Variants in ABCB9 observed in about 807,000 individuals in gnomAD.
The protein encoded by ABCB9 is ATP binding cassette subfamily B member 9, also known as ABC-type oligopeptide transporter ABCB9.
ABCB9 carries 36 observed loss-of-function variants against 62.0 expected under a neutral mutation model. The ratio of observed to expected loss-of-function variants is 0.58; its 90% CI spans 0.45 to 0.77. ABCB9 has a LOEUF of 0.77. Among genes scored for constraint, ABCB9 ranks in the 30% least tolerant of loss-of-function variants. ABCB9 has a pLI of 0.00. For synonymous variants in ABCB9, 435 were observed against 461.4 expected (o/e 0.94, Z 0.73); for missense variants, 943 against 1,054.7 (o/e 0.89, Z 1.47).
chr12:122,946,280 G>A, intron 5 of ABCB9, 58 bp from the exon 6 acceptor site: 1 of 1,580,518 alleles, frequency 6.3e-7, no homozygotes, highest in African/African-American at 1.3e-5. Flanking sequence ...ACTATGTACT[G>A]GAGCCCCCAG....
chr12:122,951,552 C>G (rs1028688439), intron 2 of ABCB9: 1 of 152,108 alleles, frequency 6.6e-6, no homozygotes, highest in Non-Finnish European at 1.5e-5. Flanking sequence ...TGAGATGACT[C>G]GTCCAGGCCA....
At chr12:122,937,846 C>T (rs1051770526) in intron 9 of ABCB9, among the ~76,000 whole-genome samples, 1 of 152,172 alleles carries the variant, frequency 6.6e-6, no homozygotes, top group African/African-American at 2.4e-5. Flanking sequence ...TTGGACAGTG[C>T]ACAACCTGAG....
downstream of ABCB9, among the ~76,000 whole-genome samples, chr12:122,920,571 C>T (rs1404560968): frequency 6.6e-6 from 1 of 152,052 alleles, no homozygotes; most frequent in Non-Finnish European, 1.5e-5. Context: ...ACCGTAGTAG[C>T]TGCTTCATAG....
rs1278908833 is a variant in ABCB9 at position 122,964,727 on chromosome 12, G to T, written c.-88+1560C>A. ...TTGTGAGCACATGGGTGACCTGCTT[G>T]GCCTGAGGGACAAGGACAAGGTGGT... On this transcript the variant is annotated intron_variant, in intron 1 of 11. Coordinates refer to ENST00000280560, the MANE Select transcript of ABCB9 (RefSeq NM_019625.4). This position sits in a 1 kb window ranked among gnomAD's most constrained non-coding sequence, Gnocchi z 4.7. Among the ~76,000 whole-genome samples, 1 of 152,208 alleles carries T rather than the reference G, an allele frequency of 6.6e-6. No homozygotes were observed. Among genetic ancestry groups the T allele is most frequent in the Non-Finnish European group, 1.5e-5 (1 of 68,038 alleles).
chr12:122,923,857 T>C (rs1267431720), intron 11 of ABCB9, among the ~76,000 whole-genome samples: 1 of 152,168 alleles, frequency 6.6e-6, no homozygotes, highest in Non-Finnish European at 1.5e-5. Flanking sequence ...CTCTGTGCTG[T>C]TTCCGTTTTC....
At chr12:122,955,353 G>A (rs748757394) in intron 2 of ABCB9, among the ~76,000 whole-genome samples, 2 of 152,252 alleles carry the variant, frequency 1.3e-5, no homozygotes, top group Middle Eastern at 3.2e-3. Context: ...CACAGCAGCT[G>A]ACGGCAGGGC....
At chr12:122,950,833 C>A in intron 2 of ABCB9, 1 of 395,102 alleles carries the variant, frequency 2.5e-6, no homozygotes, top group Non-Finnish European at 4.7e-6. Context: ...AGCCAGGGCT[C>A]CTGCAGGATG....
chr12:122,927,824 T>C (rs1004644025), downstream of ABCB9, among the ~76,000 whole-genome samples: 2 of 152,242 alleles, frequency 1.3e-5, no homozygotes, highest in Non-Finnish European at 2.9e-5. Context: ...TCCTCGGTTT[T>C]GTCAAAATAA....
Position 122,923,958 on chromosome 12 carries a change from A to G in ABCB9, c.2041-2915T>C, listed in dbSNP as rs1253702801. 3.3e-5 allele frequency among the ~76,000 whole-genome samples: 5 copies of G among 152,254 alleles called. 1 individual carries two copies. The East Asian group carries it at 5.8e-4, about 18-fold the overall frequency. On this transcript the variant is annotated intron_variant, in intron 11 of 11. Coordinates refer to the ABCB9 transcript ENST00000344275. The stretch of plus-strand genomic sequence containing the variant: ...GGAGCTGCAGCAGATAGCAGGGGGC[A>G]TGGGGAAGGGGCTCTGCCTCGCAAG...
chr12:122,953,373 C>T (rs894039086), intron 2 of ABCB9, among the ~76,000 whole-genome samples: 5 of 151,752 alleles, frequency 3.3e-5, no homozygotes, highest in African/African-American at 4.8e-5. Context: ...CCATCACACC[C>T]GGCTAAATTT....
chr12:122,948,785 C>T lies in ABCB9; in HGVS notation c.892G>A (p.Asp298Asn), dbSNP rs770614269. 7.5e-6 allele frequency: 12 copies of T among 1,605,312 alleles called. No individual in the cohort carries two copies. Among genetic ancestry groups the T allele is most frequent in the East Asian group, 2.3e-5 (1 of 44,378 alleles). The change falls in exon 5 of 12, where the codon GAC becomes AAC. Residue 298 changes from aspartate (D) to asparagine (N), a missense_variant. Coordinates refer to ENST00000280560, the MANE Select transcript of ABCB9 (RefSeq NM_019625.4). ...RLTSDTTMVSDLVSQNINVFL... is the reference protein window; with the variant it reads ...RLTSDTTMVSNLVSQNINVFL... The stretch of plus-strand genomic sequence containing the variant: ...ACATTGATGTTCTGGGAGACCAGGT[C>T]GCTGACCATGGTGGTGTCCGAGGTC...
At position 122,935,398 on chromosome 12, in the gene ABCB9, C is replaced by T. The variant is rs1185814157; in HGVS notation, c.1777G>A (p.Ala593Thr). ...GAGATGTTATCCGTGATGGAGCGGG[C>T]GAACAGCACGGGCTCCTGGCTCACC... ...SLVSQEPVLFARSITDNISYG... is the reference protein window; with the variant it reads ...SLVSQEPVLFTRSITDNISYG... The change falls in exon 10 of 12, where the codon GCC becomes ACC. Residue 593 changes from alanine (A) to threonine (T), a missense_variant. Transcript: ENST00000280560. The T allele has an allele frequency of 6.2e-6, 10 of 1,613,696 alleles. No homozygotes were observed. Among genetic ancestry groups the T allele is most frequent in the Admixed American group, 3.3e-5 (2 of 59,968 alleles).
Position 122,959,544 on chromosome 12 carries a change from C to A in ABCB9, c.601+91G>T. ...TTTTCATATCAATTTGATGTCTGAA[C>A]CACGTAAGTAAAATCTTTTAAAATC... On this transcript the variant is annotated intron_variant, in intron 2 of 11. Transcript: ENST00000280560. This position sits in a 1 kb window ranked among gnomAD's most constrained non-coding sequence, Gnocchi z 5.4. 1 of 1,501,252 alleles carries A rather than the reference C, an allele frequency of 6.7e-7. No individual in the cohort carries two copies. The highest frequency in any genetic ancestry group is 1.4e-5 in the South Asian group (1 of 72,716). 93.0% of individuals were successfully genotyped at this position (1,501,252 alleles called of 1,614,324 possible).
In ABCB9 at chr12:122,964,448, G is replaced by A. The variant is rs1417465348; in HGVS notation, c.-88+1839C>T. Among the ~76,000 whole-genome samples, 2 of 152,232 alleles carry A rather than the reference G, an allele frequency of 1.3e-5. No individual in the cohort carries two copies. The highest frequency in any genetic ancestry group is 2.4e-5 in the African/African-American group (1 of 41,468). On this transcript the variant is annotated intron_variant, in intron 1 of 11. Coordinates refer to ENST00000280560, the MANE Select transcript of ABCB9 (RefSeq NM_019625.4). The surrounding 1 kb of genome is among the most constrained non-coding windows in gnomAD (Gnocchi z 4.7). ...AGGCTTGTCTCAGGTCATCCACCAG[G>A]CTGGGGCAGAGCAGTGCTAGCACCT...
At position 122,949,899 on chromosome 12, in the gene ABCB9, G is replaced by A. The variant is rs1287075211; in HGVS notation, c.736C>T (p.Arg246Trp). Reference sequence around the variant, plus strand: ...AATATGAGGGTAAAAATGCCGCCCCGAATACCTGCGGCAAATGAGCTAATT... The same window carrying A: ...AATATGAGGGTAAAAATGCCGCCCCAAATACCTGCGGCAAATGAGCTAATT... ...AIGSSFAAGI[R>W]GGIFTLIFAR... Residue 246 changes from arginine to tryptophan, a missense_variant, in exon 4 of 12, where the codon CGG (arginine) becomes TGG (tryptophan). Transcript: ENST00000280560. The A allele has an allele frequency of 1.1e-5, 17 of 1,614,036 alleles. No homozygotes were observed. The highest frequency in any genetic ancestry group is 1.3e-5 in the African/African-American group (1 of 74,936).
Position 122,944,544 on chromosome 12 carries a change from G to T in ABCB9, c.1252-25C>A, listed in dbSNP as rs770126293. ...GCTGGGGCAGAGGGAGAGGGGATGTGGGTCGAGGGGACCTTAGATCCCCCA... is the reference window on the plus strand; with the variant it reads ...GCTGGGGCAGAGGGAGAGGGGATGTTGGTCGAGGGGACCTTAGATCCCCCA... On this transcript the variant is annotated intron_variant, in intron 6 of 11. Transcript: ENST00000280560. The surrounding 1 kb of genome is among the most constrained non-coding windows in gnomAD (Gnocchi z 4.9). 2 of 1,611,768 alleles carry T rather than the reference G, an allele frequency of 1.2e-6. No individual in the cohort carries two copies. Among genetic ancestry groups the T allele is most frequent in the South Asian group, 1.1e-5 (1 of 90,994 alleles).
At chr12:122,925,009 C>T (rs145737549), downstream of ABCB9, among the ~76,000 whole-genome samples, 8 of 152,244 alleles carry the variant, frequency 5.3e-5, no homozygotes, top group East Asian at 9.7e-4. Flanking sequence ...CTCCACCTTC[C>T]GAGTTCAAGC....
chr12:122,936,835 C>T (rs548245097), intron 9 of ABCB9, among the ~76,000 whole-genome samples: 2 of 149,090 alleles, frequency 1.3e-5, no homozygotes, highest in Admixed American at 6.8e-5. Flanking sequence ...CCCCTCGAGG[C>T]GGAGGATGTG....
chr12:122,955,951 A>C (rs192962558), intron 2 of ABCB9, among the ~76,000 whole-genome samples: 15 of 152,110 alleles, frequency 9.9e-5, no homozygotes, highest in African/African-American at 3.6e-4. Context: ...ACCTCAGGTG[A>C]TCTGCAGGCC....
Sources: allele counts gnomAD v4.1 joint callset (sites outside exome capture counted in the v4.1 genomes callset), GRCh38; gene constraint gnomAD v4.1.1; non-coding constraint Gnocchi (gnomAD v3.1); transcripts MANE v1.5; gene names NCBI Gene and HGNC (gene_info 2026-07-23, HGNC 2026-07-21).